The following PDE9A variants were observed in gnomAD, a reference collection of about 807,000 sequenced individuals.
The protein encoded by PDE9A is high affinity cGMP-specific 3',5'-cyclic phosphodiesterase 9A.
In PDE9A, 60 loss-of-function variants were observed where a neutral mutation model predicts 87.4. The ratio of observed to expected loss-of-function variants is 0.69; its 90% CI spans 0.56 to 0.85. The LOEUF (loss-of-function observed/expected upper bound fraction) is 0.85, where lower values mean the gene tolerates loss of function less well. Among genes scored for constraint, PDE9A ranks in the 40% least tolerant of loss-of-function variants. The probability of loss-of-function intolerance (pLI) is 0.00; values close to 1 mark genes in which losing one functional copy is unlikely to be tolerated. For missense variants in PDE9A, 665 were observed against 779.0 expected (o/e 0.85, Z 1.74); for synonymous variants, 272 against 279.4 (o/e 0.97, Z 0.27).
In PDE9A at chr21:42,659,202, C is replaced by T. The variant is rs903909861; in HGVS notation, c.69+5319C>T. 3.3e-5 allele frequency among the ~76,000 whole-genome samples: 5 copies of T among 152,168 alleles called. No homozygotes were observed. Among genetic ancestry groups the T allele is most frequent in the Non-Finnish European group, 5.9e-5 (4 of 68,032 alleles). On this transcript the variant is annotated intron_variant, in intron 1 of 19. Coordinates refer to ENST00000291539, the MANE Select transcript of PDE9A (RefSeq NM_002606.3). The surrounding 1 kb of genome is among the most constrained non-coding windows in gnomAD (Gnocchi z 4.1). Reference sequence around the variant, plus strand: ...CACACTCCTTCCCATTGGTGTGGTCCGAATTCCCCTTTAGCCAGACATTTC... The same window carrying T: ...CACACTCCTTCCCATTGGTGTGGTCTGAATTCCCCTTTAGCCAGACATTTC...
chr21:42,720,923 T>C (rs949196666), intron 4 of PDE9A, among the ~76,000 whole-genome samples: 2 of 151,896 alleles, frequency 1.3e-5, no homozygotes. Context: ...GAGAATTGCT[T>C]GAACCCGGGA....
At chr21:42,725,186 C>T (rs1430827045) in intron 4 of PDE9A, among the ~76,000 whole-genome samples, 2 of 152,190 alleles carry the variant, frequency 1.3e-5, no homozygotes, top group Non-Finnish European at 2.9e-5. Flanking sequence ...TTCCATTCCC[C>T]ACTGGATCCC....
chr21:42,752,509 TC>T (rs1388093119), intron 9 of PDE9A, among the ~76,000 whole-genome samples: 1 of 152,216 alleles, frequency 6.6e-6, no homozygotes, highest in African/African-American at 2.4e-5. Flanking sequence ...CCTCAGGTGA[TC>T]CACCCACCTC....
At chr21:42,688,776 G>A (rs748162257) in intron 3 of PDE9A, among the ~76,000 whole-genome samples, 7 of 152,222 alleles carry the variant, frequency 4.6e-5, no homozygotes, top group African/African-American at 9.6e-5. Flanking sequence ...CAGTAGATGC[G>A]ATGGTACACT....
chr21:42,733,731 T>G, intron 7 of PDE9A: 1 of 385,926 alleles, frequency 2.6e-6, no homozygotes. Context: ...CTGAGTGTCT[T>G]GTCTGTGTCT....
chr21:42,751,703 A>G (rs900196742), intron 9 of PDE9A, among the ~76,000 whole-genome samples: 7 of 150,506 alleles, frequency 4.7e-5, no homozygotes, highest in Non-Finnish European at 8.8e-5. Context: ...CACCCGCTCA[A>G]CGCCTTCAGC....
Position 42,727,170 on chromosome 21 carries a change from A to C in PDE9A, c.263-4600A>C, listed in dbSNP as rs76173051. Reference sequence around the variant, plus strand: ...TATGTGGGGAGAATTTACTATGTTGAGTCTTCCAACCCATTAACATGGTCA... The same window carrying C: ...TATGTGGGGAGAATTTACTATGTTGCGTCTTCCAACCCATTAACATGGTCA... On this transcript the variant is annotated intron_variant, in intron 4 of 19. Coordinates refer to ENST00000291539, the MANE Select transcript of PDE9A (RefSeq NM_002606.3). Among the ~76,000 whole-genome samples, 852 of 149,234 alleles carry C rather than the reference A, an allele frequency of 5.7e-3. 10 individuals are homozygous for C. Among genetic ancestry groups the C allele is most frequent in the African/African-American group, 0.02 (814 of 40,688 alleles).
chr21:42,771,126 C>G (rs1332271013), intron 18 of PDE9A, among the ~76,000 whole-genome samples: 2 of 152,216 alleles, frequency 1.3e-5, no homozygotes, highest in Non-Finnish European at 2.9e-5. Flanking sequence ...GTTAGAGCAT[C>G]TGGGACCCCT....
chr21:42,728,186 G>A (rs191991733), intron 4 of PDE9A, among the ~76,000 whole-genome samples: 8 of 152,290 alleles, frequency 5.3e-5, no homozygotes, highest in Non-Finnish European at 1.0e-4. Context: ...TAGCGTGTAC[G>A]GGAGGATGTG....
intron 4 of PDE9A, among the ~76,000 whole-genome samples, chr21:42,703,758 T>C (rs2048577930): frequency 6.6e-6 from 1 of 152,142 alleles, no homozygotes; most frequent in South Asian, 2.1e-4. Context: ...GGCTGAGAGA[T>C]CGTTGCCCTC....
intron 1 of PDE9A, among the ~76,000 whole-genome samples, chr21:42,682,749 T>C (rs1172693078): frequency 6.6e-6 from 1 of 152,206 alleles, no homozygotes; most frequent in Non-Finnish European, 1.5e-5. Flanking sequence ...TTTGTGGGCA[T>C]GGACGTTGCA....
chr21:42,732,052 T>G lies in PDE9A; in HGVS notation c.443-18T>G, dbSNP rs772321565. 3 of 1,614,124 alleles carry G rather than the reference T, an allele frequency of 1.9e-6. No homozygotes were observed. In the South Asian group the frequency reaches 3.3e-5, roughly 18 times the overall value. On this transcript the variant is annotated intron_variant, in intron 5 of 19. Coordinates refer to ENST00000291539, the MANE Select transcript of PDE9A (RefSeq NM_002606.3). Reference sequence around the variant, plus strand: ...CCTCTTGTCCGTGTTCCATCTGTCTTTCTTCTTTGGTTTGTAGAGAGAGAA... The same window carrying G: ...CCTCTTGTCCGTGTTCCATCTGTCTGTCTTCTTTGGTTTGTAGAGAGAGAA...
At chr21:42,709,269 A>G (rs2049093803) in intron 4 of PDE9A, among the ~76,000 whole-genome samples, 1 of 152,088 alleles carries the variant, frequency 6.6e-6, no homozygotes, top group South Asian at 2.1e-4. Flanking sequence ...ACATGGACAC[A>G]GGGAGGGGAA....
intron 15 of PDE9A, among the ~76,000 whole-genome samples, chr21:42,766,826 G>T (rs1369083038): frequency 6.6e-6 from 1 of 152,198 alleles, no homozygotes; most frequent in African/African-American, 2.4e-5. Context: ...GCAGTCAGGG[G>T]TGACCCAGGC....
intron 7 of PDE9A, among the ~76,000 whole-genome samples, chr21:42,738,773 C>T (rs1401577568): frequency 6.6e-6 from 1 of 152,200 alleles, no homozygotes; most frequent in Non-Finnish European, 1.5e-5. Flanking sequence ...GCAACCTCCA[C>T]CTCCCGGGTT....
chr21:42,774,831 G>A (rs1417799286), intron 19 of PDE9A, among the ~76,000 whole-genome samples: 2 of 142,266 alleles, frequency 1.4e-5, no homozygotes, highest in Non-Finnish European at 3.0e-5. Context: ...GCAGTGAGCC[G>A]AGATCACGCC....
At position 42,702,952 on chromosome 21, in the gene PDE9A, C is replaced by T. The variant is rs941159739; in HGVS notation, c.262+3941C>T. Reference sequence around the variant, plus strand: ...TTAAATCTTGCTCAGGGCGCTGGGTCGAGATCACGAAAGGGAAGTGGCAGC... The same window carrying T: ...TTAAATCTTGCTCAGGGCGCTGGGTTGAGATCACGAAAGGGAAGTGGCAGC... On this transcript the variant is annotated intron_variant, in intron 4 of 19. Transcript: ENST00000291539. This position sits in a 1 kb window ranked among gnomAD's most constrained non-coding sequence, Gnocchi z 4.9. Among the ~76,000 whole-genome samples the T allele has an allele frequency of 2.6e-5, 4 of 152,066 alleles. No individual in the cohort carries two copies. The highest frequency in any genetic ancestry group is 5.9e-5 in the Non-Finnish European group (4 of 68,044).
chr21:42,684,241 C>A (rs1474067538), intron 1 of PDE9A, among the ~76,000 whole-genome samples: 1 of 152,230 alleles, frequency 6.6e-6, no homozygotes, highest in Non-Finnish European at 1.5e-5. Flanking sequence ...AAGAAAGAGC[C>A]CTCCTTGCCT....
rs376847913 is a variant in PDE9A, at chr21:42,732,100, C to A, written c.473C>A (p.Ala158Glu). Residue 158 changes from alanine to glutamate, a missense_variant, in exon 6 of 20, where the codon GCG (alanine) becomes GAG (glutamate). Ala to Glu is a moderately radical substitution (Grantham distance 107). Transcript: ENST00000291539. ...EREELIQSVLAQVAEQFSRAF... is the reference protein window; with the variant it reads ...EREELIQSVLEQVAEQFSRAF... Reference sequence around the variant, plus strand: ...GAAGAATTAATCCAGAGCGTGCTGGCGCAGGTTGCAGAGCAGTTCTCAAGG... The same window carrying A: ...GAAGAATTAATCCAGAGCGTGCTGGAGCAGGTTGCAGAGCAGTTCTCAAGG... The A allele has an allele frequency of 2.8e-5, 46 of 1,614,100 alleles. No individual in the cohort carries two copies. In the East Asian group the frequency reaches 9.6e-4, roughly 34 times the overall value.
Sources: allele counts gnomAD v4.1 joint callset (sites outside exome capture counted in the v4.1 genomes callset), GRCh38; gene constraint gnomAD v4.1.1; non-coding constraint Gnocchi (gnomAD v3.1); transcripts MANE v1.5; gene names NCBI Gene and HGNC (gene_info 2026-07-23, HGNC 2026-07-21).